The following PTPRD variants were observed in gnomAD, a reference collection of about 807,000 sequenced individuals.
PTPRD encodes receptor-type tyrosine-protein phosphatase delta.
A neutral mutation model predicts 214.5 loss-of-function variants in PTPRD; 34 were observed. The observed-to-expected ratio is 0.16, with a 90% confidence interval of 0.12 to 0.21. The LOEUF (loss-of-function observed/expected upper bound fraction) is 0.21, where lower values mean the gene tolerates loss of function less well. PTPRD is among the 10% of genes least tolerant of loss of function. PTPRD has a pLI of 1.00. For synonymous variants in PTPRD, 1,128 were observed against 845.7 expected (o/e 1.33, Z -5.79); for missense variants, 2,545 against 2,398.7 (o/e 1.06, Z -1.27).
intron 8 of PTPRD, among the ~76,000 whole-genome samples, chr9:9,499,858 T>C (rs1274257848): frequency 6.6e-6 from 1 of 152,118 alleles, no homozygotes; most frequent in Non-Finnish European, 1.5e-5. Context: ...TAATGAATTA[T>C]AGTTTGTAAA....
chr9:10,039,604 G>T (rs954230544), intron 3 of PTPRD, among the ~76,000 whole-genome samples: 6 of 151,830 alleles, frequency 4.0e-5, no homozygotes, highest in Non-Finnish European at 7.4e-5. Context: ...TAAAACTCCT[G>T]GGTTAAAATG....
chr9:10,199,104 G>C (rs1202216615), intron 3 of PTPRD, among the ~76,000 whole-genome samples: 1 of 151,314 alleles, frequency 6.6e-6, no homozygotes, highest in Non-Finnish European at 1.5e-5. Context: ...TGGTATAGAA[G>C]AGAGATCACA....
At chr9:9,381,138 G>C (rs973294796) in intron 9 of PTPRD, among the ~76,000 whole-genome samples, 1 of 151,956 alleles carries the variant, frequency 6.6e-6, no homozygotes, top group Non-Finnish European at 1.5e-5. Context: ...GATCTACTCT[G>C]ACAATCTCTG....
chr9:10,141,605 T>A (rs1048915559), intron 3 of PTPRD, among the ~76,000 whole-genome samples: 1 of 151,770 alleles, frequency 6.6e-6, no homozygotes, highest in African/African-American at 2.4e-5. Context: ...TAAAAGAGGA[T>A]ACAAACAAAT....
chr9:9,384,343 C>CTTTTTTTTTTTTTTTTTT (rs869246078), intron 9 of PTPRD, among the ~76,000 whole-genome samples: 2 of 33,318 alleles, frequency 6.0e-5, no homozygotes, highest in African/African-American at 7.6e-5. Flanking sequence ...GAAGACTAGG[C>CTTTTTTTTTTTTTTTTTT]TTTTTTTTTT....
At chr9:9,902,378 A>T (rs1014144675) in intron 5 of PTPRD, among the ~76,000 whole-genome samples, 13 of 152,044 alleles carry the variant, frequency 8.6e-5, no homozygotes, top group African/African-American at 2.9e-4. Flanking sequence ...TATTGTTTTC[A>T]TTTCCTGAGT....
At chr9:8,362,673 T>A (rs1443142179) in intron 39 of PTPRD, among the ~76,000 whole-genome samples, 1 of 152,236 alleles carries the variant, frequency 6.6e-6, no homozygotes, top group Non-Finnish European at 1.5e-5. Context: ...CCAATCACCA[T>A]CATCATAATC....
intron 8 of PTPRD, among the ~76,000 whole-genome samples, chr9:9,565,827 T>A (rs889867090): frequency 6.6e-6 from 1 of 151,898 alleles, no homozygotes; most frequent in Non-Finnish European, 1.5e-5. Context: ...AATTTATATG[T>A]TAGAGCTGTC....
At chr9:10,443,652 T>C (rs778660183) in intron 2 of PTPRD, among the ~76,000 whole-genome samples, 1 of 151,654 alleles carries the variant, frequency 6.6e-6, no homozygotes, top group East Asian at 1.9e-4. Flanking sequence ...GACATTCTCA[T>C]ATCAAATAAG....
intron 14 of PTPRD, among the ~76,000 whole-genome samples, chr9:8,579,420 C>A (rs2092816469): frequency 6.6e-6 from 1 of 152,020 alleles, no homozygotes; most frequent in Non-Finnish European, 1.5e-5. Context: ...TTTTAAATAC[C>A]TTGGGTCAAA....
chr9:8,396,108 T>C (rs924998858), intron 36 of PTPRD, among the ~76,000 whole-genome samples: 1 of 151,506 alleles, frequency 6.6e-6, no homozygotes, highest in African/African-American at 2.4e-5. Context: ...GCTCTATGTG[T>C]AGGAAACACT....
chr9:9,471,932 T>A (rs1461333194), intron 8 of PTPRD, among the ~76,000 whole-genome samples: 1 of 152,146 alleles, frequency 6.6e-6, no homozygotes, highest in East Asian at 1.9e-4. Context: ...AACTACAGTT[T>A]ACTCCTCAAA....
At chr9:9,247,320 C>T (rs10816075) in intron 9 of PTPRD, among the ~76,000 whole-genome samples, 39,993 of 151,846 alleles carry the variant, frequency 0.26, 6,396 homozygotes, top group African/African-American at 0.44. Context: ...CATTTGTGTC[C>T]AATCACATTT....
intron 16 of PTPRD, 122 bp from the exon 17 acceptor site, chr9:8,526,766 G>A (rs959222135): frequency 2.8e-6 from 2 of 711,158 alleles, no homozygotes; most frequent in African/African-American, 3.6e-5. Context: ...GGTCTTAAAA[G>A]AAACTTGAAT....
intron 2 of PTPRD, among the ~76,000 whole-genome samples, chr9:10,481,353 G>C (rs183581030): frequency 6.6e-6 from 1 of 152,146 alleles, no homozygotes; most frequent in East Asian, 1.9e-4. Context: ...ATTTTTTATG[G>C]AGAAATTATA....
chr9:10,241,435 A>T (rs1304119063), intron 3 of PTPRD, among the ~76,000 whole-genome samples: 2 of 152,000 alleles, frequency 1.3e-5, no homozygotes, highest in Admixed American at 1.3e-4. Flanking sequence ...ATAGCCAAGA[A>T]CTGACAAGAG....
At chr9:9,808,312 G>A (rs1390724432) in intron 5 of PTPRD, among the ~76,000 whole-genome samples, 1 of 152,078 alleles carries the variant, frequency 6.6e-6, no homozygotes, top group Non-Finnish European at 1.5e-5. Flanking sequence ...TTAATCTCTT[G>A]TTCTTCTTGC....
chr9:9,728,345 C>T (rs979864392), intron 7 of PTPRD, among the ~76,000 whole-genome samples: 2 of 152,164 alleles, frequency 1.3e-5, no homozygotes, highest in Non-Finnish European at 2.9e-5. Flanking sequence ...TGTTGTGCCT[C>T]CTTCCTTAGT....
At chr9:9,508,101 T>C (rs1260654015) in intron 8 of PTPRD, among the ~76,000 whole-genome samples, 1 of 151,686 alleles carries the variant, frequency 6.6e-6, no homozygotes, top group Non-Finnish European at 1.5e-5. Flanking sequence ...CATACTTCAG[T>C]ATTTTACTGT....
Sources: gnomAD v4.1 joint callset for allele counts (sites outside exome capture counted in the v4.1 genomes callset) on GRCh38, gnomAD v4.1.1 for gene constraint, MANE v1.5 for transcripts, NCBI Gene and HGNC (gene_info 2026-07-23, HGNC 2026-07-21) for gene names.